WDR62: variants seen among roughly 807,000 people sequenced by gnomAD.
WDR62 encodes the protein WD repeat domain 62.
Under a neutral mutation model 160.6 loss-of-function variants are expected in WDR62, and 112 were observed. That is an observed-to-expected ratio of 0.70 (90% CI 0.60 to 0.82). The LOEUF (loss-of-function observed/expected upper bound fraction) is 0.82, where lower values mean the gene tolerates loss of function less well. WDR62 is among the 40% of genes least tolerant of loss of function. The probability of loss-of-function intolerance (pLI) is 0.00; values close to 1 mark genes in which losing one functional copy is unlikely to be tolerated. For missense variants in WDR62, 1,819 were observed against 1,983.8 expected (o/e 0.92, Z 1.58); for synonymous variants, 792 against 815.1 (o/e 0.97, Z 0.48).
In WDR62 at chr19:36,089,180, G is replaced by C. The variant is rs368087915; in HGVS notation, c.1837-5G>C. 6.2e-7 allele frequency: 1 copy of C among 1,613,858 alleles called. No homozygotes were observed. The highest frequency in any genetic ancestry group is 1.3e-5 in the African/African-American group (1 of 74,932). On this transcript the variant is annotated splice_polypyrimidine_tract_variant and splice_region_variant and intron_variant, in intron 14 of 31. Coordinates refer to ENST00000401500, the MANE Select transcript of WDR62 (RefSeq NM_001083961.2). ...ATTCTCTGAAGGTCCTGCCGGCCCT[G>C]CCAGGGTTCGGATGGACTACACTTT...
intron 9 of WDR62, chr19:36,074,212 C>G (rs1971457383): frequency 5.8e-6 from 1 of 170,976 alleles, no homozygotes; most frequent in African/African-American, 2.4e-5. Flanking sequence ...GCAGGAAGAT[C>G]ACTTGAGCCT....
chr19:36,073,503 TC>T lies in WDR62; in HGVS notation c.1207del (p.His403ThrfsTer27). On this transcript the variant is annotated frameshift_variant, in exon 9 of 32. Transcript: ENST00000401500. LOFTEE classifies it high-confidence loss of function. Reference protein sequence around the residue: ...NRVGKVWSELFHSSYVWNVEV... With the variant: ...NRVGKVWSELXHSSYVWNVEV... ...GTGGGCAAGGTGTGGTCAGAGCTCT[TC>T]CACAGCTCCTACGTTTGGAACGTGG... 1 of 1,613,522 alleles carries T rather than the reference TC, an allele frequency of 6.2e-7. No homozygotes were observed. Among genetic ancestry groups the T allele is most frequent in the Non-Finnish European group, 8.5e-7 (1 of 1,179,762 alleles).
At chr19:36,101,904 C>T in intron 25 of WDR62, 110 bp from the exon 26 acceptor site, 1 of 1,569,918 alleles carries the variant, frequency 6.4e-7, no homozygotes, top group Admixed American at 1.7e-5. Context: ...GCTTCTCAGC[C>T]TGCGGGCAAC....
chr19:36,097,709 CCCCATCTCTACAAAAAATAAAAAAAT>C (rs2145833677), intron 21 of WDR62, among the ~76,000 whole-genome samples: 1 of 151,878 alleles, frequency 6.6e-6, no homozygotes, highest in South Asian at 2.1e-4. Flanking sequence ...TATAGTGAGA[CCCCATCTCTACAAAAAATAAAAAAAT>C]TAGCCAGGCA....
Position 36,091,476 on chromosome 19 carries a change from G to A in WDR62, c.2210+11G>A. The A allele has an allele frequency of 6.2e-7, 1 of 1,613,750 alleles. No homozygotes were observed. The highest frequency in any genetic ancestry group is 8.5e-7 in the Non-Finnish European group (1 of 1,179,764). ...AGTATCTGGAGACAGGTGGGACATGGACCTTTGGGAGAGTTGTGGCTCAGA... is the reference window on the plus strand; with the variant it reads ...AGTATCTGGAGACAGGTGGGACATGAACCTTTGGGAGAGTTGTGGCTCAGA... On this transcript the variant is annotated intron_variant, in intron 18 of 31. Coordinates refer to ENST00000401500, the MANE Select transcript of WDR62 (RefSeq NM_001083961.2).
In WDR62 at chr19:36,073,418, C is replaced by T. The variant is rs769458128; in HGVS notation, c.1120C>T (p.Leu374=). The part of the protein sequence containing the change: ...ALTFDPIHQW[L]SCVYKDHSIY... The stretch of plus-strand genomic sequence containing the variant: ...GACCTTCGACCCCATCCACCAGTGG[C>T]TGTCCTGCGTGTATAAGGACCACAG... The change falls in exon 9 of 32, where the codon CTG becomes TTG. Residue 374 remains leucine (L), a synonymous_variant. Transcript: ENST00000401500. The T allele has an allele frequency of 1.2e-6, 2 of 1,614,036 alleles. No homozygotes were observed. Among genetic ancestry groups the T allele is most frequent in the African/African-American group, 2.7e-5 (2 of 74,922 alleles).
At chr19:36,111,005 GAGA>G in the WDR62 span, 5 of 582,254 alleles carry the variant, frequency 8.6e-6, no homozygotes, top group African/African-American at 9.3e-5. Context: ...CAAAACCTGG[GAGA>G]AGATGGGCAG....
chr19:36,088,615 G>C (rs117440140), intron 13 of WDR62, among the ~76,000 whole-genome samples: 640 of 152,344 alleles, frequency 4.2e-3, no homozygotes, highest in Non-Finnish European at 7.0e-3. Context: ...CATTCAGGAA[G>C]ACCCGCTACA....
chr19:36,095,565 G>A (rs769361637), intron 20 of WDR62, among the ~76,000 whole-genome samples: 3 of 152,202 alleles, frequency 2.0e-5, no homozygotes, highest in South Asian at 2.1e-4. Flanking sequence ...AGGCCGAGGC[G>A]GGTGGATCAC....
At chr19:36,089,785 G>T (rs992367705) in intron 15 of WDR62, among the ~76,000 whole-genome samples, 2 of 152,210 alleles carry the variant, frequency 1.3e-5, no homozygotes, top group Admixed American at 1.3e-4. Context: ...CCCAAGCCTG[G>T]CCTCCAGGTC....
At chr19:36,081,711 T>A in intron 10 of WDR62, 141 bp downstream of exon 10, 1 of 1,029,900 alleles carries the variant, frequency 9.7e-7, no homozygotes, top group African/African-American at 1.6e-5. Context: ...GGCAGGTCCC[T>A]CTCTGCATCA....
At chr19:36,059,174 C>T (rs2145520809) in intron 2 of WDR62, 1 of 532,816 alleles carries the variant, frequency 1.9e-6, no homozygotes, top group East Asian at 4.7e-5. Flanking sequence ...ATTTGTGTCC[C>T]AGCTCTGCCA....
intron 13 of WDR62, among the ~76,000 whole-genome samples, chr19:36,087,303 G>C (rs1250111147): frequency 6.6e-6 from 1 of 151,912 alleles, no homozygotes; most frequent in Non-Finnish European, 1.5e-5. Context: ...TCAGGAGTTC[G>C]AGACCAGTCT....
intron 11 of WDR62, among the ~76,000 whole-genome samples, chr19:36,083,885 G>T (rs997872571): frequency 6.6e-6 from 1 of 152,190 alleles, no homozygotes; most frequent in Non-Finnish European, 1.5e-5. Flanking sequence ...GTCAAGAAGA[G>T]CAGAAAGTGC....
At position 36,067,983 on chromosome 19, in the gene WDR62, G is replaced by GCAGAGAGAA. The variant is rs775243562; in HGVS notation, c.855_856insCAGAGAGAA (p.Arg285_Val286insGlnArgGlu). On this transcript the variant is annotated inframe_insertion, in exon 7 of 32. Coordinates refer to ENST00000401500, the MANE Select transcript of WDR62 (RefSeq NM_001083961.2). ...TCCTCTGCCAGTTCAATGAGAAGAGGGTGCTGGAGAAGTGGATCAACCTGA... is the reference window on the plus strand; with the variant it reads ...TCCTCTGCCAGTTCAATGAGAAGAGGCAGAGAGAAGTGCTGGAGAAGTGGATCAACCTGA... 1 of 1,614,094 alleles carries GCAGAGAGAA rather than the reference G, an allele frequency of 6.2e-7. No homozygotes were observed. The highest frequency in any genetic ancestry group is 1.1e-5 in the South Asian group (1 of 91,050).
In WDR62 at chr19:36,097,066, G is replaced by T; in HGVS notation, c.2507G>T (p.Trp836Leu). ...CLLTNGKLPL[W>L]AKRLLGDDDV... is the part of the protein sequence containing the mutation. The stretch of plus-strand genomic sequence containing the variant: ...CTAACCAACGGCAAGCTGCCACTGT[G>T]GGCAAAGCGGCTGGTAAGTCTTCAG... Residue 836 changes from tryptophan (W) to leucine (L), a missense_variant, in exon 21 of 32, where the codon TGG becomes TTG. This residue lies in a region of WDR62 where 934 missense variants were observed against 1,157.2 expected (regional missense o/e 0.81). Transcript: ENST00000401500. 6.2e-7 allele frequency: 1 copy of T among 1,613,830 alleles called. No individual in the cohort carries two copies. Among genetic ancestry groups the T allele is most frequent in the Non-Finnish European group, 8.5e-7 (1 of 1,179,886 alleles).
At chr19:36,088,806 A>G (rs982960492) in intron 13 of WDR62, among the ~76,000 whole-genome samples, 1 of 152,056 alleles carries the variant, frequency 6.6e-6, no homozygotes, top group Non-Finnish European at 1.5e-5. Context: ...TTGTTTCTCT[A>G]TATGCCCTTG....
At chr19:36,108,677 GACTC>G (rs1973753590), downstream of WDR62, among the ~76,000 whole-genome samples, 1 of 151,960 alleles carries the variant, frequency 6.6e-6, no homozygotes, top group Admixed American at 6.6e-5. Flanking sequence ...AACATAGCAA[GACTC>G]CACCTCTACA....
At chr19:36,109,025 T>G (rs1457689156), downstream of WDR62, among the ~76,000 whole-genome samples, 1 of 152,006 alleles carries the variant, frequency 6.6e-6, no homozygotes, top group Non-Finnish European at 1.5e-5. Flanking sequence ...CGAGGCCCAA[T>G]GAGAAATGAC....
Sources: gnomAD v4.1 joint callset for allele counts (sites outside exome capture counted in the v4.1 genomes callset) on GRCh38, gnomAD v4.1.1 for gene constraint, gnomAD v4.1.1 regional missense constraint, MANE v1.5 for transcripts, NCBI Gene and HGNC (gene_info 2026-07-23, HGNC 2026-07-21) for gene names.